Variants in SPATA31G1 observed in about 807,000 individuals in gnomAD.
SPATA31G1 encodes spermatogenesis-associated protein 31G1.
the SPATA31G1 span, chr9:35,044,962 T>C: frequency 6.2e-7 from 1 of 1,614,010 alleles, no homozygotes; most frequent in African/African-American, 1.3e-5. Flanking sequence ...CATCCTGGGA[T>C]CCATGCCTGG....
chr9:35,043,645 C>T, the SPATA31G1 span: 9,170 of 1,614,128 alleles, frequency 5.7e-3, 501 homozygotes, highest in African/African-American at 0.11. Flanking sequence ...TTTGAGCCTC[C>T]GATGCCACCC....
chr9:35,042,149 A>C, the SPATA31G1 span: 2 of 1,468,546 alleles, frequency 1.4e-6, no homozygotes, highest in African/African-American at 2.9e-5. Flanking sequence ...TTTGGTTCTA[A>C]ATTCAGGGAG....
chr9:35,041,187 C>T, the SPATA31G1 span: 1 of 446,600 alleles, frequency 2.2e-6, no homozygotes, highest in South Asian at 1.6e-5. Context: ...GGAAGAGGAA[C>T]AGGCTATGAC....
chr9:35,042,002 T>C, the SPATA31G1 span: 1 of 454,532 alleles, frequency 2.2e-6, no homozygotes, highest in Middle Eastern at 5.8e-4. Context: ...GAGCTATGAT[T>C]TGAATAAGGC....
chr9:35,045,062 C>A, the SPATA31G1 span: 1 of 1,614,228 alleles, frequency 6.2e-7, no homozygotes, highest in South Asian at 1.1e-5. Context: ...CATTTTGCAG[C>A]TCCCCTATTC....
the SPATA31G1 span, chr9:35,044,451 C>A: frequency 6.2e-7 from 1 of 1,614,144 alleles, no homozygotes; most frequent in South Asian, 1.1e-5. Context: ...TTGTAACTTA[C>A]CCCAAGACCT....
At chr9:35,044,136 C>A in the SPATA31G1 span, 1 of 1,614,118 alleles carries the variant, frequency 6.2e-7, no homozygotes, top group East Asian at 2.2e-5. Flanking sequence ...GACCATGGGG[C>A]AGAAAGAGAA....
chr9:35,045,039 G>A, the SPATA31G1 span: 5 of 1,614,136 alleles, frequency 3.1e-6, no homozygotes, highest in Non-Finnish European at 4.2e-6. Context: ...CAGAGCCCCT[G>A]GCCCAAGTCA....
chr9:35,043,552 C>G, the SPATA31G1 span: 2 of 1,614,160 alleles, frequency 1.2e-6, no homozygotes, highest in South Asian at 2.2e-5. Context: ...CCCACACAGT[C>G]CCCTGGAACT....
the SPATA31G1 span, chr9:35,042,402 G>A: frequency 6.2e-7 from 1 of 1,614,230 alleles, no homozygotes; most frequent in South Asian, 1.1e-5. Context: ...CTTATTCGTG[G>A]TTTGGCAGAT....
chr9:35,043,824 C>G, the SPATA31G1 span: 16 of 1,614,162 alleles, frequency 9.9e-6, no homozygotes, highest in African/African-American at 1.1e-4. Context: ...GCCAGAACTC[C>G]AGAGAGAGAG....
At chr9:35,045,655 T>C in the SPATA31G1 span, 4 of 1,614,084 alleles carry the variant, frequency 2.5e-6, no homozygotes, top group Non-Finnish European at 3.4e-6. Context: ...CAGCTGCTTC[T>C]CCCCAAAGCT....
the SPATA31G1 span, chr9:35,044,489 G>C: frequency 1.7e-5 from 27 of 1,613,980 alleles, no homozygotes; most frequent in Non-Finnish European, 2.0e-5. Flanking sequence ...TGGGAGTCTT[G>C]TCTGATTCTC....
the SPATA31G1 span, chr9:35,041,511 T>C: frequency 1.3e-5 from 2 of 156,232 alleles, no homozygotes; most frequent in South Asian, 1.9e-4. Flanking sequence ...GAGGCTGAGA[T>C]GGAAGGCTCT....
chr9:35,044,666 C>G, the SPATA31G1 span: 1 of 1,614,180 alleles, frequency 6.2e-7, no homozygotes. Context: ...AAAGAAAGAA[C>G]CACTGGGCCA....
the SPATA31G1 span, chr9:35,044,157 T>C: frequency 2.5e-6 from 4 of 1,614,166 alleles, no homozygotes; most frequent in Admixed American, 3.3e-5. Context: ...CCTCTGGGCA[T>C]CTGATTCCCC....
At chr9:35,045,327 T>A in the SPATA31G1 span, 1 of 1,613,780 alleles carries the variant, frequency 6.2e-7, no homozygotes, top group South Asian at 1.1e-5. Flanking sequence ...CCAGGTCCCA[T>A]CCCAAGGGCC....
At chr9:35,045,592 T>C in the SPATA31G1 span, 8 of 1,614,020 alleles carry the variant, frequency 5.0e-6, no homozygotes, top group Non-Finnish European at 6.8e-6. Flanking sequence ...GTAAGCACAT[T>C]TCCCCAAAGG....
the SPATA31G1 span, chr9:35,044,553 G>A: frequency 1.2e-6 from 2 of 1,614,156 alleles, no homozygotes; most frequent in African/African-American, 1.3e-5. Flanking sequence ...TGTGTTCCCA[G>A]GTAGGGGCTC....
Sources: gnomAD v4.1 joint callset for allele counts on GRCh38, gnomAD v4.1.1 for gene constraint, MANE v1.5 for transcripts, NCBI Gene and HGNC (gene_info 2026-07-23, HGNC 2026-07-21) for gene names.